The following TRAK1 variants were observed in gnomAD, a reference collection of about 807,000 sequenced individuals.
TRAK1 encodes trafficking kinesin-binding protein 1.
TRAK1 carries 33 observed loss-of-function variants against 92.1 expected under a neutral mutation model. The ratio of observed to expected loss-of-function variants is 0.36; its 90% CI spans 0.27 to 0.48. The LOEUF is 0.48. Ranked by LOEUF, TRAK1 falls within the 20% of genes least tolerant of loss-of-function variation. The probability of loss-of-function intolerance (pLI) is 0.99; values close to 1 mark genes in which losing one functional copy is unlikely to be tolerated. For synonymous variants in TRAK1, 521 were observed against 517.3 expected (o/e 1.01, Z -0.10); for missense variants, 1,123 against 1,257.9 (o/e 0.89, Z 1.62).
intron 15 of TRAK1, among the ~76,000 whole-genome samples, chr3:42,221,060 A>C (rs3885745): frequency 0.031 from 4,561 of 146,796 alleles, 159 homozygotes; most frequent in East Asian, 0.089. Flanking sequence ...AGTCAGTAGC[A>C]AGAGAAGGCT....
chr3:42,149,362 GC>G, intron 2 of TRAK1: 3 of 1,428,358 alleles, frequency 2.1e-6, no homozygotes, highest in Non-Finnish European at 2.7e-6. Context: ...TCTTTTCATT[GC>G]CCACTTTACT....
At chr3:42,038,802 A>AAAATTT (rs1559714995) in intron 1 of TRAK1, among the ~76,000 whole-genome samples, 3 of 105,922 alleles carry the variant, frequency 2.8e-5, no homozygotes, top group African/African-American at 5.1e-5. Context: ...AAAAAAAAAA[A>AAAATTT]GTTTTTTTTT....
intron 1 of TRAK1, among the ~76,000 whole-genome samples, chr3:42,070,432 G>T (rs2148937020): frequency 6.6e-6 from 1 of 150,788 alleles, no homozygotes; most frequent in Admixed American, 6.6e-5. Flanking sequence ...TTTTATTGTT[G>T]TTGCTGTTGT....
In TRAK1 at chr3:42,136,202, C is replaced by G. The variant is rs114272474; in HGVS notation, c.286+10588C>G. On this transcript the variant is annotated intron_variant, in intron 2 of 15. Coordinates refer to ENST00000327628, the MANE Select transcript of TRAK1 (RefSeq NM_001042646.3). ...ATGACATGGCATTGGGAGATAGGGT[C>G]CATTTCTGATTTTCAGAGTGAGGAA... Among the ~76,000 whole-genome samples, 684 of 152,152 alleles carry G rather than the reference C, an allele frequency of 4.5e-3. 9 individuals are homozygous for G. The highest frequency in any genetic ancestry group is 0.015 in the African/African-American group (635 of 41,492).
chr3:42,060,802 T>A lies in TRAK1; in HGVS notation c.-518-26302T>A, dbSNP rs542160215. Among the ~76,000 whole-genome samples the A allele has an allele frequency of 1.2e-3, 183 of 150,892 alleles. 1 individual carries two copies. Among genetic ancestry groups the A allele is most frequent in the East Asian group, 5.4e-3 (28 of 5,154 alleles). On this transcript the variant is annotated intron_variant, in intron 1 of 16. Coordinates refer to the TRAK1 transcript ENST00000487159. ...GCCACCACTCCTGGCTGATTTTTTTTATATTTTTAGTAGAAACGGAGTTTC... is the reference window on the plus strand; with the variant it reads ...GCCACCACTCCTGGCTGATTTTTTTAATATTTTTAGTAGAAACGGAGTTTC...
At chr3:42,108,541 C>T (rs914264538) in intron 1 of TRAK1, among the ~76,000 whole-genome samples, 1 of 150,918 alleles carries the variant, frequency 6.6e-6, no homozygotes, top group Non-Finnish European at 1.5e-5. Flanking sequence ...ATTAGCATTC[C>T]CTAACCTAAC....
intron 2 of TRAK1, among the ~76,000 whole-genome samples, chr3:42,135,145 T>C (rs1697783523): frequency 6.6e-6 from 1 of 152,176 alleles, no homozygotes; most frequent in African/African-American, 2.4e-5. Context: ...AGGTAGTGTT[T>C]GTAACTTCAG....
In TRAK1 at chr3:42,222,856, A is replaced by AC. The variant is rs530449146; in HGVS notation, c.2067-79dup. 1.0e-3 allele frequency: 1,476 copies of AC among 1,469,390 alleles called. 4 individuals are homozygous for AC. Among genetic ancestry groups the AC allele is most frequent in the Non-Finnish European group, 1.3e-3 (1,358 of 1,076,092 alleles). 91.0% of individuals were successfully genotyped at this position (1,469,390 alleles called of 1,614,324 possible). A position where few individuals can be genotyped will look rare whatever the true frequency, so the allele number is the denominator to read the frequency against. Reference sequence around the variant, plus strand: ...TCTCATCGTGTCCTGGGTCGTCCCTACCCCCCCTGCAGGAAACTGGCCACT... The same window carrying AC: ...TCTCATCGTGTCCTGGGTCGTCCCTACCCCCCCCTGCAGGAAACTGGCCACT... On this transcript the variant is annotated intron_variant, in intron 15 of 15. Coordinates refer to ENST00000327628, the MANE Select transcript of TRAK1 (RefSeq NM_001042646.3).
At chr3:42,014,829 T>G (rs912393167) in intron 1 of TRAK1, among the ~76,000 whole-genome samples, 1 of 151,588 alleles carries the variant, frequency 6.6e-6, no homozygotes, top group African/African-American at 2.4e-5. Context: ...TCTGATATGC[T>G]TCACTGGAAC....
At chr3:42,155,191 C>A (rs150604368) in intron 2 of TRAK1, among the ~76,000 whole-genome samples, 15 of 151,928 alleles carry the variant, frequency 9.9e-5, no homozygotes, top group African/African-American at 3.6e-4. Flanking sequence ...CAAAGGAAAA[C>A]GGGTTTGGGA....
rs115310187 is a variant in TRAK1 at position 42,184,116 on chromosome 3, G to A, written c.364-569G>A. On this transcript the variant is annotated intron_variant, in intron 3 of 15. Transcript: ENST00000327628. ...TCTAAGTAAAAAAACAGAAAAGCATGTAATTGTTTTTGAGAGTAACTTTAA... is the reference window on the plus strand; with the variant it reads ...TCTAAGTAAAAAAACAGAAAAGCATATAATTGTTTTTGAGAGTAACTTTAA... Among the ~76,000 whole-genome samples, 1,495 of 152,270 alleles carry A rather than the reference G, an allele frequency of 9.8e-3. 5 individuals carry two copies. The highest frequency in any genetic ancestry group is 0.014 in the Non-Finnish European group (925 of 68,012).
intron 1 of TRAK1, among the ~76,000 whole-genome samples, chr3:42,122,916 C>T (rs980551777): frequency 5.3e-5 from 8 of 152,092 alleles, no homozygotes; most frequent in Admixed American, 5.2e-4. Context: ...CAGAGAAGTC[C>T]CAGCAGTGAG....
intron 1 of TRAK1, among the ~76,000 whole-genome samples, chr3:42,032,505 G>C (rs1437158937): frequency 6.8e-6 from 1 of 146,510 alleles, no homozygotes. Context: ...AACCATCTTT[G>C]CAACCTCCAG....
chr3:42,125,649 A>AT (rs1250726196), intron 2 of TRAK1, 35 bp downstream of exon 2: 2 of 1,606,670 alleles, frequency 1.2e-6, no homozygotes, highest in Non-Finnish European at 1.7e-6. Context: ...TGATGGCAGT[A>AT]TCATGATCAG....
chr3:42,071,677 T>C (rs11926615), intron 1 of TRAK1, among the ~76,000 whole-genome samples: 78,118 of 150,278 alleles, frequency 0.52, 21,646 homozygotes, highest in South Asian at 0.69. Context: ...TATTGCACTC[T>C]AGTCTGGATG....
intron 6 of TRAK1, among the ~76,000 whole-genome samples, chr3:42,190,196 T>A (rs1471707996): frequency 2.0e-5 from 3 of 152,198 alleles, no homozygotes; most frequent in Admixed American, 2.0e-4. Context: ...TTCTGTTCTC[T>A]AGCCGAGGTA....
chr3:42,134,141 G>GC (rs1697579715), intron 2 of TRAK1, among the ~76,000 whole-genome samples: 1 of 151,582 alleles, frequency 6.6e-6, no homozygotes, highest in South Asian at 2.1e-4. Flanking sequence ...CAGGCTGTGG[G>GC]CCTTTCCTTC....
At chr3:42,145,730 C>T (rs1252779944) in intron 2 of TRAK1, 1 of 170,368 alleles carries the variant, frequency 5.9e-6, no homozygotes, top group East Asian at 1.8e-4. Flanking sequence ...CATCAATCAT[C>T]TCAAGACAAT....
intron 1 of TRAK1, chr3:42,051,666 A>G (rs1702989305): frequency 1.3e-5 from 2 of 152,358 alleles, no homozygotes; most frequent in African/African-American, 4.8e-5. Context: ...CTGAGTGGCT[A>G]TTCGATGGCC....
Sources: gnomAD v4.1 joint callset for allele counts (sites outside exome capture counted in the v4.1 genomes callset) on GRCh38, gnomAD v4.1.1 for gene constraint, MANE v1.5 for transcripts, NCBI Gene and HGNC (gene_info 2026-07-23, HGNC 2026-07-21) for gene names.